The following NRG1 variants were observed in gnomAD, a reference collection of about 807,000 sequenced individuals.
NRG1 encodes pro-neuregulin-1, membrane-bound isoform.
NRG1 carries 18 observed loss-of-function variants against 63.8 expected under a neutral mutation model. The observed-to-expected ratio is 0.28, with a 90% CI of 0.19 to 0.42. The LOEUF (loss-of-function observed/expected upper bound fraction) is 0.42, where lower values mean the gene tolerates loss of function less well. Among genes scored for constraint, NRG1 ranks in the 10% least tolerant of loss-of-function variants. The pLI is 1.00. For missense variants in NRG1, 762 were observed against 814.7 expected (o/e 0.94, Z 0.79); for synonymous variants, 302 against 301.3 (o/e 1.00, Z -0.02).
intron 1 of NRG1, among the ~76,000 whole-genome samples, chr8:32,038,890 C>G (rs1819494934): frequency 6.6e-6 from 1 of 152,064 alleles, no homozygotes; most frequent in Non-Finnish European, 1.5e-5. Context: ...AAACCTCTGT[C>G]CAAGTGCCTG....
chr8:32,280,726 T>C (rs1852667724), intron 1 of NRG1, among the ~76,000 whole-genome samples: 2 of 119,060 alleles, frequency 1.7e-5, no homozygotes, highest in African/African-American at 5.9e-5. Flanking sequence ...AGATAAACCA[T>C]GAATCACATT....
chr8:32,624,154 G>A (rs191475700), intron 5 of NRG1, among the ~76,000 whole-genome samples: 27 of 152,266 alleles, frequency 1.8e-4, no homozygotes, highest in Middle Eastern at 3.4e-3. Context: ...AGAACAAATA[G>A]GTAGTTCTAA....
chr8:31,954,669 T>G (rs1019250609), intron 1 of NRG1, among the ~76,000 whole-genome samples: 13 of 152,172 alleles, frequency 8.5e-5, no homozygotes, highest in Admixed American at 3.3e-4. Context: ...CCACATAGAT[T>G]TATGCAGTTA....
intron 1 of NRG1, among the ~76,000 whole-genome samples, chr8:31,845,607 T>G (rs907788235): frequency 5.3e-5 from 8 of 150,800 alleles, no homozygotes; most frequent in East Asian, 2.0e-4. Flanking sequence ...GAGACTGGCG[T>G]TTTTTTTTAC....
intron 1 of NRG1, among the ~76,000 whole-genome samples, chr8:31,794,014 G>T (rs1205849986): frequency 6.6e-6 from 1 of 151,510 alleles, no homozygotes; most frequent in East Asian, 1.9e-4. Flanking sequence ...CAAGTGATCA[G>T]CTGTTTTTAT....
intron 1 of NRG1, among the ~76,000 whole-genome samples, chr8:31,903,166 T>TTTTTG (rs1832231957): frequency 6.6e-6 from 1 of 150,440 alleles, no homozygotes; most frequent in South Asian, 2.1e-4. Flanking sequence ...TTTTTTTTTT[T>TTTTTG]GAGATGGAAT....
intron 1 of NRG1, among the ~76,000 whole-genome samples, chr8:31,790,642 G>A (rs1049645755): frequency 6.6e-6 from 1 of 152,128 alleles, no homozygotes; most frequent in Non-Finnish European, 1.5e-5. Context: ...GATGTTTTAT[G>A]ATTTCAACAC....
intron 1 of NRG1, among the ~76,000 whole-genome samples, chr8:31,781,625 G>T (rs550174996): frequency 1.9e-4 from 29 of 152,244 alleles, no homozygotes; most frequent in South Asian, 1.7e-3. Flanking sequence ...AAGATGGCTA[G>T]AATACTGTTG....
intron 1 of NRG1, among the ~76,000 whole-genome samples, chr8:31,725,574 A>G (rs1813351608): frequency 6.6e-6 from 1 of 152,200 alleles, no homozygotes; most frequent in South Asian, 2.1e-4. Flanking sequence ...CAGTTTGAAT[A>G]GAAAATGCTC....
chr8:31,714,590 G>C (rs1179831813), intron 1 of NRG1, among the ~76,000 whole-genome samples: 1 of 152,080 alleles, frequency 6.6e-6, no homozygotes, highest in Non-Finnish European at 1.5e-5. Flanking sequence ...GATCCTTGTT[G>C]TGCTGTTATG....
intron 1 of NRG1, among the ~76,000 whole-genome samples, chr8:31,981,818 A>C (rs1809151041): frequency 6.6e-6 from 1 of 152,016 alleles, no homozygotes; most frequent in Admixed American, 6.6e-5. Context: ...ATTTTAAATA[A>C]GAGCTTACAA....
chr8:32,610,695 A>G (rs1449613312), intron 3 of NRG1, among the ~76,000 whole-genome samples: 1 of 152,296 alleles, frequency 6.6e-6, no homozygotes, highest in East Asian at 1.9e-4. Flanking sequence ...AATGCCTTTC[A>G]ACCCCTACTT....
At chr8:31,937,113 CTCTT>C (rs953502505) in intron 1 of NRG1, among the ~76,000 whole-genome samples, 1 of 152,206 alleles carries the variant, frequency 6.6e-6, no homozygotes, top group African/African-American at 2.4e-5. Context: ...TCAGCCTTCT[CTCTT>C]CTTTCAGTAA....
intron 1 of NRG1, among the ~76,000 whole-genome samples, chr8:32,051,505 G>T (rs1248637635): frequency 6.6e-6 from 1 of 152,192 alleles, no homozygotes; most frequent in East Asian, 1.9e-4. Context: ...GTATGTAAAT[G>T]TGGGAGCTCA....
At chr8:32,444,509 A>C (rs770597009) in intron 1 of NRG1, among the ~76,000 whole-genome samples, 1 of 152,190 alleles carries the variant, frequency 6.6e-6, no homozygotes, top group African/African-American at 2.4e-5. Flanking sequence ...TGGATGAAAC[A>C]TGTTTTAATC....
chr8:32,702,891 A>G (rs566967821), intron 5 of NRG1, among the ~76,000 whole-genome samples: 1 of 152,184 alleles, frequency 6.6e-6, no homozygotes, highest in Non-Finnish European at 1.5e-5. Flanking sequence ...ATTGTCTTAC[A>G]GTCCCATTTT....
chr8:31,783,501 T>C (rs1468652935), intron 1 of NRG1, among the ~76,000 whole-genome samples: 1 of 151,796 alleles, frequency 6.6e-6, no homozygotes, highest in Admixed American at 6.6e-5. Flanking sequence ...ATTTGGAAAC[T>C]CTGAGGCCCT....
At chr8:31,961,768 T>A (rs1805492480) in intron 1 of NRG1, among the ~76,000 whole-genome samples, 1 of 152,174 alleles carries the variant, frequency 6.6e-6, no homozygotes, top group African/African-American at 2.4e-5. Flanking sequence ...CTAAGATTCA[T>A]AAACAATTAT....
At chr8:32,321,308 T>C (rs1262779852) in intron 1 of NRG1, among the ~76,000 whole-genome samples, 1 of 152,148 alleles carries the variant, frequency 6.6e-6, no homozygotes, top group Non-Finnish European at 1.5e-5. Context: ...CAATATCTTT[T>C]TAGCTTATTG....
Sources: allele counts gnomAD v4.1 joint callset (sites outside exome capture counted in the v4.1 genomes callset), GRCh38; gene constraint gnomAD v4.1.1; transcripts MANE v1.5; gene names NCBI Gene and HGNC (gene_info 2026-07-23, HGNC 2026-07-21).